GPAM: variants seen among roughly 807,000 people sequenced by gnomAD.
GPAM encodes the protein glycerol-3-phosphate acyltransferase 1, mitochondrial.
GPAM carries 56 observed loss-of-function variants against 105.0 expected under a neutral mutation model. That is an observed-to-expected ratio of 0.53 (90% CI 0.43 to 0.67). The LOEUF (loss-of-function observed/expected upper bound fraction) is 0.67, where lower values mean the gene tolerates loss of function less well. GPAM is among the 30% of genes least tolerant of loss of function. The pLI is 0.00. For missense variants in GPAM, 855 were observed against 989.8 expected (o/e 0.86, Z 1.83); for synonymous variants, 368 against 354.4 (o/e 1.04, Z -0.43).
intron 17 of GPAM, among the ~76,000 whole-genome samples, chr10:112,159,640 T>C (rs1351260196): frequency 1.3e-5 from 2 of 152,166 alleles, no homozygotes; most frequent in African/African-American, 4.8e-5. Flanking sequence ...CAATACGTGC[T>C]CACTAGCTTT....
At chr10:112,187,328 T>C (rs572595448), upstream of GPAM, among the ~76,000 whole-genome samples, 11 of 152,136 alleles carry the variant, frequency 7.2e-5, no homozygotes, top group Non-Finnish European at 1.5e-4. Flanking sequence ...ATTTAAAAAC[T>C]CACTTTAAAT....
rs1044582087 is a variant in GPAM at position 112,160,710 on chromosome 10, C to T, written c.1653G>A (p.Arg551=). Reference sequence around the variant, plus strand: ...TGGGGGTGATAAAAAACTCATCGTTCCTGCTAGTGTGGGTGATTGTGACAC... The same window carrying T: ...TGGGGGTGATAAAAAACTCATCGTTTCTGCTAGTGTGGGTGATTGTGACAC... The part of the protein sequence containing the change: ...GNCVTITHTS[R]NDEFFITPST... Residue 551 remains arginine (R), a synonymous_variant, in exon 16 of 22, where the codon AGG becomes AGA. Transcript: ENST00000348367. 11 of 1,613,964 alleles carry T rather than the reference C, an allele frequency of 6.8e-6. No individual in the cohort carries two copies. The highest frequency in any genetic ancestry group is 1.7e-5 in the Admixed American group (1 of 60,014).
intron 5 of GPAM, 35 bp downstream of exon 5, chr10:112,177,949 G>T: frequency 9.0e-7 from 1 of 1,115,524 alleles, no homozygotes; most frequent in South Asian, 1.2e-5. Flanking sequence ...TTTTTCTTTT[G>T]AGATGTATTA....
chr10:112,161,588 G>T (rs1269313743), intron 15 of GPAM, 79 bp downstream of exon 15: 3 of 1,157,110 alleles, frequency 2.6e-6, no homozygotes, highest in African/African-American at 3.0e-5. Flanking sequence ...GGCCAAATCT[G>T]CCCCTGAGTA....
chr10:112,149,875 T>C lies in GPAM; in HGVS notation c.*3675A>G. On this transcript the variant is annotated 3_prime_UTR_variant, in exon 22 of 22. Coordinates refer to ENST00000348367, the MANE Select transcript of GPAM (RefSeq NM_001244949.2). ...CAAACACATCAAGAGTATGTTCAAT[T>C]TTTGGTTTATTAAAACAAAACTACA... 1.0e-6 allele frequency: 1 copy of C among 966,632 alleles called. No homozygotes were observed. Among genetic ancestry groups the C allele is most frequent in the Non-Finnish European group, 1.2e-6 (1 of 812,438 alleles). The allele number at this position is 966,632 out of a possible 1,614,324, so 59.9% of individuals were successfully genotyped here.
In GPAM at chr10:112,164,638, T is replaced by G. The variant is rs369971729; in HGVS notation, c.1222-28A>C. The G allele has an allele frequency of 3.5e-6, 4 of 1,148,068 alleles. No individual in the cohort carries two copies. In the South Asian group the frequency reaches 3.7e-5, roughly 11 times the overall value. The allele number at this position is 1,148,068 out of a possible 1,614,324, so 71.1% of individuals were successfully genotyped here. On this transcript the variant is annotated intron_variant, in intron 12 of 21. Coordinates refer to ENST00000348367, the MANE Select transcript of GPAM (RefSeq NM_001244949.2). ...GGAGAAAAAAACACAACATGATCAT[T>G]TACCCTCACTTTCGCACCAACATAT...
chr10:112,222,687 T>C, the GPAM span, among the ~76,000 whole-genome samples: 1 of 152,156 alleles, frequency 6.6e-6, no homozygotes, highest in Non-Finnish European at 1.5e-5. Context: ...ATGCACCCCC[T>C]TTTATTATTG....
chr10:112,212,808 T>A (rs1564692710), intron 1 of GPAM, among the ~76,000 whole-genome samples: 4 of 152,172 alleles, frequency 2.6e-5, no homozygotes. Flanking sequence ...AAATATGAGA[T>A]CAGCCAGGGC....
rs991224302 is a variant in GPAM, at chr10:112,157,304, T to C, written c.2066A>G (p.Asp689Gly). ...AAAGTCACTGTCTTCATCTTCTTCA[T>C]CACTTCTCCAAGACAAAGGTTCTGG... The part of the protein sequence containing the change: ...KLPEPLSWRS[D>G]EEDEDSDFGE... Residue 689 changes from aspartate to glycine, a missense_variant, in exon 19 of 22, where the codon GAT becomes GGT. Physicochemically the swap from Asp to Gly is moderately conservative, Grantham distance 94 (BLOSUM62 -1). Transcript: ENST00000348367. 1 of 1,613,734 alleles carries C rather than the reference T, an allele frequency of 6.2e-7. No homozygotes were observed.
At chr10:112,158,522 T>C in intron 17 of GPAM, 129 bp from the exon 18 acceptor site, 1 of 693,114 alleles carries the variant, frequency 1.4e-6, no homozygotes, top group Non-Finnish European at 2.6e-6. Context: ...ACTGAGCAAG[T>C]CCTGTGATTC....
At chr10:112,188,073 A>G (rs143522735), upstream of GPAM, among the ~76,000 whole-genome samples, 1,237 of 152,254 alleles carry the variant, frequency 8.1e-3, 19 homozygotes, top group African/African-American at 0.028. Flanking sequence ...TAAAACACCT[A>G]TACTAGAAAA....
At chr10:112,178,165 T>C (rs1847441094) in intron 4 of GPAM, 108 bp from the exon 5 acceptor site, 1 of 670,602 alleles carries the variant, frequency 1.5e-6, no homozygotes, top group Admixed American at 2.6e-5. Flanking sequence ...AAAACAGATA[T>C]TGCCTCAAAA....
intron 1 of GPAM, among the ~76,000 whole-genome samples, chr10:112,195,410 C>T (rs916420861): frequency 2.6e-5 from 4 of 152,202 alleles, no homozygotes; most frequent in Non-Finnish European, 5.9e-5. Flanking sequence ...CCCTGGCTTT[C>T]TTTCACTTCC....
chr10:112,162,617 C>T (rs923697213), intron 14 of GPAM, among the ~76,000 whole-genome samples: 5 of 151,904 alleles, frequency 3.3e-5, no homozygotes, highest in African/African-American at 2.4e-5. Flanking sequence ...TAACTGAAGT[C>T]GTCTCCAGTG....
chr10:112,154,570 T>C, intron 21 of GPAM, 59 bp downstream of exon 21: 2 of 1,218,820 alleles, frequency 1.6e-6, no homozygotes, highest in East Asian at 2.3e-5. Flanking sequence ...TCAAACAGAC[T>C]AGATCTAAAG....
chr10:112,180,594 C>T lies in GPAM; in HGVS notation c.104G>A (p.Gly35Asp). The T allele has an allele frequency of 6.2e-7, 1 of 1,608,006 alleles. No homozygotes were observed. ...GRCKHTSEEW[G>D]ECGFRPTIFR... Reference sequence around the variant, plus strand: ...GATGGTGGGTCTAAAGCCACACTCACCCTGACAAATATTAAGAAAAAAATA... The same window carrying T: ...GATGGTGGGTCTAAAGCCACACTCATCCTGACAAATATTAAGAAAAAAATA... The change falls in exon 4 of 22, where the codon GGT becomes GAT. Residue 35 changes from glycine to aspartate, a missense_variant and splice_region_variant. Physicochemically the swap from Gly to Asp is moderately conservative, Grantham distance 94 (BLOSUM62 -1). Coordinates refer to ENST00000348367, the MANE Select transcript of GPAM (RefSeq NM_001244949.2).
At chr10:112,203,210 C>T (rs1847819389) in intron 1 of GPAM, among the ~76,000 whole-genome samples, 1 of 152,152 alleles carries the variant, frequency 6.6e-6, no homozygotes, top group South Asian at 2.1e-4. Context: ...TCTGGGGTAG[C>T]CCTAGGTATT....
chr10:112,223,449 C>T, the GPAM span, among the ~76,000 whole-genome samples: 4 of 152,214 alleles, frequency 2.6e-5, no homozygotes, highest in Non-Finnish European at 2.9e-5. Context: ...ACTAAATCAA[C>T]TTTTCCACAT....
intron 1 of GPAM, among the ~76,000 whole-genome samples, chr10:112,208,266 C>A (rs1468950227): frequency 6.6e-6 from 1 of 152,190 alleles, no homozygotes; most frequent in Non-Finnish European, 1.5e-5. Flanking sequence ...AGCTGGTGAC[C>A]TGAATTAACA....
Sources: allele counts gnomAD v4.1 joint callset (sites outside exome capture counted in the v4.1 genomes callset), GRCh38; gene constraint gnomAD v4.1.1; transcripts MANE v1.5; gene names NCBI Gene and HGNC (gene_info 2026-07-23, HGNC 2026-07-21).